TMEM232: variants seen among roughly 807,000 people sequenced by gnomAD.
The protein encoded by TMEM232 is transmembrane protein 232.
TMEM232 carries 80 observed loss-of-function variants against 78.8 expected under a neutral mutation model. The ratio of observed to expected loss-of-function variants is 1.01; its 90% CI spans 0.85 to 1.22. The LOEUF (loss-of-function observed/expected upper bound fraction) is 1.22, where lower values mean the gene tolerates loss of function less well. Ranked by LOEUF, TMEM232 falls within the 50% of genes most tolerant of loss-of-function variation. The probability of loss-of-function intolerance (pLI) is 0.00; values close to 1 mark genes in which losing one functional copy is unlikely to be tolerated. For missense variants in TMEM232, 881 were observed against 742.2 expected (o/e 1.19, Z -2.17); for synonymous variants, 297 against 254.3 (o/e 1.17, Z -1.60).
intron 2 of TMEM232, among the ~76,000 whole-genome samples, chr5:110,658,385 T>C (rs1394435503): frequency 6.6e-6 from 1 of 152,182 alleles, no homozygotes; most frequent in African/African-American, 2.4e-5. Context: ...TGTTTCAGTC[T>C]TAGCAAATGG....
chr5:110,531,846 G>A (rs1771531823), intron 11 of TMEM232, among the ~76,000 whole-genome samples: 1 of 152,028 alleles, frequency 6.6e-6, no homozygotes, highest in African/African-American at 2.4e-5. Flanking sequence ...AAGTCAAAAG[G>A]CCGTCTTATT....
At chr5:110,641,513 T>C (rs1472062815) in intron 3 of TMEM232, among the ~76,000 whole-genome samples, 1 of 152,146 alleles carries the variant, frequency 6.6e-6, no homozygotes, top group Non-Finnish European at 1.5e-5. Flanking sequence ...AAAAGTTCAC[T>C]GATGAATGCA....
chr5:110,577,170 A>C (rs1450084645), intron 10 of TMEM232, among the ~76,000 whole-genome samples: 1 of 152,140 alleles, frequency 6.6e-6, no homozygotes, highest in East Asian at 1.9e-4. Flanking sequence ...AAGAAAATTA[A>C]ACAAATTTAC....
chr5:110,615,188 A>T (rs1352368250), intron 8 of TMEM232, among the ~76,000 whole-genome samples: 2 of 151,932 alleles, frequency 1.3e-5, no homozygotes, highest in Admixed American at 1.3e-4. Flanking sequence ...TTCCAAATAC[A>T]AGTTAGAAAA....
chr5:110,602,493 C>T (rs1330283601), intron 10 of TMEM232, among the ~76,000 whole-genome samples: 1 of 151,814 alleles, frequency 6.6e-6, no homozygotes, highest in African/African-American at 2.4e-5. Flanking sequence ...TATGAACAGA[C>T]ACTATTTAAA....
At chr5:110,566,603 TC>T (rs1475668735) in intron 11 of TMEM232, among the ~76,000 whole-genome samples, 1 of 151,902 alleles carries the variant, frequency 6.6e-6, no homozygotes, top group East Asian at 1.9e-4. Context: ...CCCAACAAGT[TC>T]CTCATCTTCA....
At chr5:110,512,248 T>C (rs1767873846) in intron 12 of TMEM232, among the ~76,000 whole-genome samples, 2 of 152,352 alleles carry the variant, frequency 1.3e-5, no homozygotes, top group Non-Finnish European at 2.9e-5. Context: ...TTTCATAGTA[T>C]CTGGCCTATA....
intron 2 of TMEM232, among the ~76,000 whole-genome samples, chr5:110,659,901 T>C (rs1789563377): frequency 6.6e-6 from 1 of 151,822 alleles, no homozygotes; most frequent in Non-Finnish European, 1.5e-5. Flanking sequence ...AAATGGAGAA[T>C]AAAGAGTAAA....
At chr5:110,447,859 G>A (rs1422110159) in intron 12 of TMEM232, among the ~76,000 whole-genome samples, 1 of 151,972 alleles carries the variant, frequency 6.6e-6, no homozygotes, top group Non-Finnish European at 1.5e-5. Flanking sequence ...CCAAAGCTCA[G>A]AGGAAATTGT....
chr5:110,427,766 C>G (rs917782500), intron 12 of TMEM232, among the ~76,000 whole-genome samples: 104 of 152,032 alleles, frequency 6.8e-4, no homozygotes, highest in African/African-American at 2.3e-3. Flanking sequence ...GTCTGTGTCT[C>G]TGTCTCCACG....
chr5:110,516,946 A>G (rs1252514475), intron 12 of TMEM232, among the ~76,000 whole-genome samples: 1 of 151,926 alleles, frequency 6.6e-6, no homozygotes, highest in African/African-American at 2.4e-5. Context: ...CACTGAAACA[A>G]GCATGCTCTA....
In TMEM232 at chr5:110,424,933, G is replaced by T. The variant is rs528739759; in HGVS notation, c.1704-17C>A. 27 of 1,526,114 alleles carry T rather than the reference G, an allele frequency of 1.8e-5. No homozygotes were observed. The East Asian group carries it at 4.9e-4, about 28-fold the overall frequency. The allele number at this position is 1,526,114 out of a possible 1,614,324, so 94.5% of individuals were successfully genotyped here. A position where few individuals can be genotyped will look rare whatever the true frequency, so the allele number is the denominator to read the frequency against. ...GGATGTTCCCTTCAAAAGAGCACAA[G>T]AACAAATCCAACATTAGGTATAGGT... On this transcript the variant is annotated splice_polypyrimidine_tract_variant and intron_variant, in intron 12 of 13. Transcript: ENST00000455884.
chr5:110,577,448 T>G (rs1777693304), intron 10 of TMEM232, among the ~76,000 whole-genome samples: 1 of 152,134 alleles, frequency 6.6e-6, no homozygotes, highest in Non-Finnish European at 1.5e-5. Context: ...TCAGCTATTG[T>G]GGAAGACAGT....
At chr5:110,656,544 C>G (rs1789084053) in intron 2 of TMEM232, among the ~76,000 whole-genome samples, 1 of 151,878 alleles carries the variant, frequency 6.6e-6, no homozygotes, top group Non-Finnish European at 1.5e-5. Flanking sequence ...AGACTAAATA[C>G]AAAAAGAAAG....
In TMEM232 at chr5:110,683,406, T is replaced by G. The variant is rs1035242802; in HGVS notation, c.-12-16042A>C. On this transcript the variant is annotated intron_variant, in intron 1 of 13. Coordinates refer to ENST00000455884, the MANE Select transcript of TMEM232 (RefSeq NM_001039763.4). ...TACACACACACACATATATATGTTG[T>G]GGCCTTGTAATATATATATAGAGAG... Among the ~76,000 whole-genome samples the G allele has an allele frequency of 2.6e-5, 4 of 151,990 alleles. No homozygotes were observed. The East Asian group carries it at 7.7e-4, about 29-fold the overall frequency.
intron 12 of TMEM232, among the ~76,000 whole-genome samples, chr5:110,507,146 T>C (rs540947156): frequency 3.9e-5 from 6 of 152,268 alleles, no homozygotes; most frequent in East Asian, 1.9e-4. Flanking sequence ...TTTCACAACA[T>C]TGGGATTATT....
intron 11 of TMEM232, among the ~76,000 whole-genome samples, chr5:110,540,670 C>T (rs1047366576): frequency 6.6e-5 from 10 of 152,168 alleles, no homozygotes; most frequent in Non-Finnish European, 7.3e-5. Flanking sequence ...AACAGTAAAT[C>T]GTAGTACAAT....
intron 3 of TMEM232, among the ~76,000 whole-genome samples, chr5:110,395,982 C>A (rs1755372345): frequency 6.6e-6 from 1 of 152,112 alleles, no homozygotes; most frequent in Non-Finnish European, 1.5e-5. Flanking sequence ...GAGCCTCATA[C>A]AAGCACTGTG....
rs143075167 is a variant in TMEM232, at chr5:110,519,561, G to A, written c.1703+9027C>T. ...GTACAGCCACTACGGAGAACAGTAT[G>A]GAGGTTCCTCAAAAAAACAAAAACA... On this transcript the variant is annotated intron_variant, in intron 12 of 13. Transcript: ENST00000455884. Among the ~76,000 whole-genome samples, 915 of 152,146 alleles carry A rather than the reference G, an allele frequency of 6.0e-3. 14 individuals carry two copies. Among genetic ancestry groups the A allele is most frequent in the African/African-American group, 0.022 (895 of 41,500 alleles).
Sources: gnomAD v4.1 joint callset for allele counts (sites outside exome capture counted in the v4.1 genomes callset) on GRCh38, gnomAD v4.1.1 for gene constraint, MANE v1.5 for transcripts, NCBI Gene and HGNC (gene_info 2026-07-23, HGNC 2026-07-21) for gene names.